Variants in MDGA2 observed in about 807,000 individuals in gnomAD.
MDGA2 encodes the protein MAM domain-containing glycosylphosphatidylinositol anchor protein 2.
Under a neutral mutation model 117.8 loss-of-function variants are expected in MDGA2, and 40 were observed. That is an observed-to-expected ratio of 0.34 (90% CI 0.26 to 0.44). The LOEUF (loss-of-function observed/expected upper bound fraction) is 0.44. MDGA2 is among the 20% of genes least tolerant of loss of function. The pLI is 1.00. For synonymous variants in MDGA2, 452 were observed against 439.0 expected (o/e 1.03, Z -0.37); for missense variants, 1,123 against 1,250.6 (o/e 0.90, Z 1.54).
intron 1 of MDGA2, among the ~76,000 whole-genome samples, chr14:47,536,609 G>T (rs543190176): frequency 2.7e-4 from 41 of 152,286 alleles, no homozygotes; most frequent in African/African-American, 8.9e-4. Flanking sequence ...TTATACCGTT[G>T]TAAGAAATAA....
intron 9 of MDGA2, among the ~76,000 whole-genome samples, chr14:46,950,250 A>AGG (rs1885322925): frequency 6.6e-6 from 1 of 151,868 alleles, no homozygotes; most frequent in African/African-American, 2.4e-5. Context: ...CCTATATTTT[A>AGG]TCTAGATTGA....
In MDGA2 at chr14:47,232,798, C is replaced by T. The variant is rs558911447; in HGVS notation, c.421-14603G>A. Reference sequence around the variant, plus strand: ...ATACTCTTAGCTGCCTAAGTATTATCTGTAAACCCATGAGTTTAAATGATG... The same window carrying T: ...ATACTCTTAGCTGCCTAAGTATTATTTGTAAACCCATGAGTTTAAATGATG... On this transcript the variant is annotated intron_variant, in intron 2 of 16. Transcript: ENST00000399232. 5.9e-5 allele frequency among the ~76,000 whole-genome samples: 9 copies of T among 152,250 alleles called. No homozygotes were observed. The South Asian group carries it at 1.9e-3, about 32-fold the overall frequency.
chr14:46,874,864 A>T (rs1479474690), intron 12 of MDGA2, among the ~76,000 whole-genome samples: 1 of 151,766 alleles, frequency 6.6e-6, no homozygotes, highest in Non-Finnish European at 1.5e-5. Flanking sequence ...CAGGGCCAAC[A>T]CAAGTTCAGA....
chr14:46,922,959 GT>G (rs1884188881), intron 9 of MDGA2, among the ~76,000 whole-genome samples: 1 of 152,156 alleles, frequency 6.6e-6, no homozygotes, highest in African/African-American at 2.4e-5. Context: ...GTTGACTTTT[GT>G]TGACTACCAC....
intron 8 of MDGA2, among the ~76,000 whole-genome samples, chr14:47,025,588 G>A (rs1049457790): frequency 6.6e-6 from 1 of 151,952 alleles, no homozygotes; most frequent in Non-Finnish European, 1.5e-5. Context: ...GGCAATGTCT[G>A]GAGACAGTTT....
At chr14:47,114,361 T>C (rs115363812) in intron 5 of MDGA2, among the ~76,000 whole-genome samples, 12,050 of 152,146 alleles carry the variant, frequency 0.079, 960 homozygotes, top group East Asian at 0.47. Context: ...ATATAATTTA[T>C]ACATTCAATG....
chr14:47,150,103 C>T (rs1324951548), intron 3 of MDGA2, among the ~76,000 whole-genome samples: 1 of 152,174 alleles, frequency 6.6e-6, no homozygotes, highest in Non-Finnish European at 1.5e-5. Context: ...TCTGTATCAT[C>T]TTCAAGCAAG....
intron 8 of MDGA2, among the ~76,000 whole-genome samples, chr14:46,967,556 G>T (rs1418170419): frequency 3.3e-5 from 5 of 152,106 alleles, no homozygotes; most frequent in African/African-American, 1.2e-4. Flanking sequence ...ACATAGAAGT[G>T]TTGGCAGGGT....
chr14:46,955,015 T>C (rs940939978), intron 9 of MDGA2, among the ~76,000 whole-genome samples: 6 of 152,092 alleles, frequency 3.9e-5, no homozygotes, highest in Non-Finnish European at 8.8e-5. Flanking sequence ...GGGTATAACA[T>C]AGAATGATAT....
At chr14:47,525,416 T>A (rs1406506728) in intron 1 of MDGA2, among the ~76,000 whole-genome samples, 9 of 152,108 alleles carry the variant, frequency 5.9e-5, no homozygotes. Context: ...CCAGGCACAG[T>A]GGTTCAGCCT....
At chr14:47,401,605 T>C (rs911666473) in intron 1 of MDGA2, among the ~76,000 whole-genome samples, 3 of 152,228 alleles carry the variant, frequency 2.0e-5, no homozygotes, top group Non-Finnish European at 4.4e-5. Flanking sequence ...GTTTGGGTGA[T>C]GATCTGTTTG....
chr14:47,572,502 A>C (rs1896039391), intron 1 of MDGA2, among the ~76,000 whole-genome samples: 1 of 152,202 alleles, frequency 6.6e-6, no homozygotes, highest in East Asian at 1.9e-4. Flanking sequence ...AAACATAAGA[A>C]TCGATCATCA....
At chr14:47,110,237 A>G (rs1880965217) in intron 5 of MDGA2, among the ~76,000 whole-genome samples, 1 of 151,960 alleles carries the variant, frequency 6.6e-6, no homozygotes, top group Non-Finnish European at 1.5e-5. Flanking sequence ...ATTGAACATT[A>G]TTTTTAATAA....
chr14:46,931,525 C>CTTTTTTTTTTTTTTTTATTTTTGCT (rs34478677), intron 9 of MDGA2, among the ~76,000 whole-genome samples: 1 of 128,924 alleles, frequency 7.8e-6, no homozygotes, highest in East Asian at 2.2e-4. Flanking sequence ...TTTATTTTTG[C>CTTTTTTTTTTTTTTTTATTTTTGCT]TTTTTTTTTT....
At chr14:47,635,460 A>G (rs1285275164) in intron 1 of MDGA2, among the ~76,000 whole-genome samples, 1 of 152,186 alleles carries the variant, frequency 6.6e-6, no homozygotes, top group East Asian at 1.9e-4. Flanking sequence ...AAATAATAAT[A>G]CTTTTTAAAA....
intron 3 of MDGA2, among the ~76,000 whole-genome samples, chr14:47,181,711 A>G (rs1001776999): frequency 6.6e-6 from 1 of 152,208 alleles, no homozygotes; most frequent in East Asian, 1.9e-4. Context: ...AAATAAGTGA[A>G]CATCACATCT....
chr14:47,092,840 G>A, intron 6 of MDGA2, among the ~76,000 whole-genome samples: 1 of 152,082 alleles, frequency 6.6e-6, no homozygotes, highest in African/African-American at 2.4e-5. Flanking sequence ...GCCGTCAGCA[G>A]AAAAGGGGTA....
At chr14:47,569,311 G>A (rs1026652443) in intron 1 of MDGA2, among the ~76,000 whole-genome samples, 1 of 152,150 alleles carries the variant, frequency 6.6e-6, no homozygotes, top group African/African-American at 2.4e-5. Context: ...CCACAATTTT[G>A]TTCATGCATC....
At chr14:47,377,550 A>T (rs1056908066) in intron 1 of MDGA2, among the ~76,000 whole-genome samples, 3 of 152,096 alleles carry the variant, frequency 2.0e-5, no homozygotes, top group African/African-American at 7.2e-5. Flanking sequence ...AGCAAACGGC[A>T]CACCAGGAGA....
Sources: gnomAD v4.1 joint callset for allele counts (sites outside exome capture counted in the v4.1 genomes callset) on GRCh38, gnomAD v4.1.1 for gene constraint, MANE v1.5 for transcripts, NCBI Gene and HGNC (gene_info 2026-07-23, HGNC 2026-07-21) for gene names.